The following TMEM100 variants were observed in gnomAD, a reference collection of about 807,000 sequenced individuals.
The protein encoded by TMEM100 is transmembrane protein 100.
For synonymous variants in TMEM100, 61 were observed against 67.1 expected (o/e 0.91, Z 0.44); for missense variants, 137 against 168.2 (o/e 0.81, Z 1.02).
At position 55,721,128 on chromosome 17, in the gene TMEM100, G is replaced by A. The variant is rs1248183147; in HGVS notation, c.-58C>T. The A allele has an allele frequency of 4.6e-6, 7 of 1,525,844 alleles. No individual in the cohort carries two copies. The East Asian group carries it at 1.6e-4, about 34-fold the overall frequency. The allele number at this position is 1,525,844 out of a possible 1,614,324, so 94.5% of individuals were successfully genotyped here. On this transcript the variant is annotated 5_prime_UTR_variant, in exon 2 of 2. Transcript: ENST00000424486. ...GACTAGATCTGGACAGTCTCACCAG[G>A]GTGAAAGCTGTGAAGATAACAGGAG...
chr17:55,731,341 A>T (rs1482751720), intron 1 of TMEM100, among the ~76,000 whole-genome samples: 3 of 152,126 alleles, frequency 2.0e-5, no homozygotes, highest in African/African-American at 7.2e-5. Flanking sequence ...TAAAATGAAC[A>T]TTTCTGACTC....
chr17:55,729,226 T>C (rs1254983809), intron 1 of TMEM100, among the ~76,000 whole-genome samples: 1 of 152,176 alleles, frequency 6.6e-6, no homozygotes, highest in Non-Finnish European at 1.5e-5. Flanking sequence ...GCCTCTGTGA[T>C]TGTCCAGGTA....
chr17:55,725,701 A>ATGTGTGTGTG (rs57564459), upstream of TMEM100, among the ~76,000 whole-genome samples: 646 of 139,656 alleles, frequency 4.6e-3, 4 homozygotes, highest in East Asian at 0.011. Context: ...ACCCATATAT[A>ATGTGTGTGTG]TGTGTGTGTG....
chr17:55,727,272 GTA>G (rs1210506161), upstream of TMEM100, among the ~76,000 whole-genome samples: 2 of 152,200 alleles, frequency 1.3e-5, no homozygotes, highest in Non-Finnish European at 2.9e-5. Context: ...TTATGTTTAT[GTA>G]CGTTATTCTT....
intron 1 of TMEM100, chr17:55,721,611 C>G (rs1450489783): frequency 6.5e-6 from 1 of 153,518 alleles, no homozygotes; most frequent in East Asian, 1.9e-4. Context: ...CCCACAAAAT[C>G]AATGTCAAGG....
chr17:55,721,169 A>G, intron 1 of TMEM100, 34 bp from the exon 2 acceptor site: 5 of 1,393,884 alleles, frequency 3.6e-6, no homozygotes, highest in Non-Finnish European at 4.9e-6. Context: ...AGCTACATGT[A>G]TCAGAATGTA....
chr17:55,730,305 G>T (rs920908795), intron 1 of TMEM100, among the ~76,000 whole-genome samples: 4 of 152,040 alleles, frequency 2.6e-5, no homozygotes, highest in Admixed American at 6.6e-5. Flanking sequence ...TATTTAAATG[G>T]ATTATTTTAA....
At chr17:55,731,846 G>A (rs1375396061) in exon 1 of TMEM100, 2 of 152,170 alleles carry the variant, frequency 1.3e-5, no homozygotes, top group Admixed American at 1.3e-4. Flanking sequence ...GGAGCATGGG[G>A]TGTCCAATAC....
At chr17:55,726,002 C>A (rs1005895834), upstream of TMEM100, among the ~76,000 whole-genome samples, 15 of 152,068 alleles carry the variant, frequency 9.9e-5, 2 homozygotes, top group Admixed American at 7.2e-4. Flanking sequence ...ATCCTCTTTC[C>A]CAATAACATG....
rs1363698586 is a variant in TMEM100, at chr17:55,720,553, C to A, written c.*113G>T. 299 of 647,322 alleles carry A rather than the reference C, an allele frequency of 4.6e-4. No individual in the cohort carries two copies. The highest frequency in any genetic ancestry group is 9.5e-4 in the East Asian group (19 of 20,086). 40.1% of individuals were successfully genotyped at this position (647,322 alleles called of 1,614,324 possible). Reference sequence around the variant, plus strand: ...CCTCCACCCTCCCACCCCCATTCTTCCAGTCTGCTCCAACGCCAAGTCTGT... The same window carrying A: ...CCTCCACCCTCCCACCCCCATTCTTACAGTCTGCTCCAACGCCAAGTCTGT... On this transcript the variant is annotated 3_prime_UTR_variant, in exon 2 of 2. Transcript: ENST00000424486.
chr17:55,720,363 G>T lies in TMEM100; in HGVS notation c.*303C>A. The T allele has an allele frequency of 3.3e-6, 1 of 303,974 alleles. No individual in the cohort carries two copies. The highest frequency in any genetic ancestry group is 6.1e-6 in the Non-Finnish European group (1 of 164,640). The allele number at this position is 303,974 out of a possible 1,614,324, so 18.8% of individuals were successfully genotyped here. A position where few individuals can be genotyped will look rare whatever the true frequency, so the allele number is the denominator to read the frequency against. On this transcript the variant is annotated 3_prime_UTR_variant, in exon 2 of 2. Transcript: ENST00000424486. ...ATCTTGATTTTTCTCATCTTTTCTT[G>T]GCTACTTTACAGGGTGAACCAAATA...
chr17:55,724,827 C>T (rs3760280), upstream of TMEM100, among the ~76,000 whole-genome samples: 12 of 152,106 alleles, frequency 7.9e-5, no homozygotes, highest in Non-Finnish European at 1.8e-4. Context: ...TATAATGAGG[C>T]GCAGTGAGTG....
upstream of TMEM100, among the ~76,000 whole-genome samples, chr17:55,725,997 C>G (rs1909061346): frequency 6.6e-6 from 1 of 152,068 alleles, no homozygotes; most frequent in South Asian, 2.1e-4. Flanking sequence ...AAACCATCCT[C>G]TTTCCCAATA....
At chr17:55,727,291 C>T (rs1190799164), upstream of TMEM100, among the ~76,000 whole-genome samples, 1 of 152,182 alleles carries the variant, frequency 6.6e-6, no homozygotes, top group African/African-American at 2.4e-5. Context: ...TCTTTGGAGG[C>T]CAAAGATGAG....
chr17:55,725,850 T>C (rs1267563391), upstream of TMEM100, among the ~76,000 whole-genome samples: 3 of 151,912 alleles, frequency 2.0e-5, no homozygotes, highest in Non-Finnish European at 4.4e-5. Flanking sequence ...ATTTGCAAGG[T>C]TTTTCCTATC....
At position 55,720,378 on chromosome 17, in the gene TMEM100, T is replaced by G; in HGVS notation, c.*288A>C. 1 of 356,020 alleles carries G rather than the reference T, an allele frequency of 2.8e-6. No homozygotes were observed. The highest frequency in any genetic ancestry group is 5.1e-6 in the Non-Finnish European group (1 of 197,722). The allele number at this position is 356,020 out of a possible 1,614,324, so 22.1% of individuals were successfully genotyped here. A position where few individuals can be genotyped will look rare whatever the true frequency, so the allele number is the denominator to read the frequency against. On this transcript the variant is annotated 3_prime_UTR_variant, in exon 2 of 2. Coordinates refer to ENST00000424486, the MANE Select transcript of TMEM100 (RefSeq NM_018286.3). ...ATCTTTTCTTGGCTACTTTACAGGG[T>G]GAACCAAATACTGTCTAATGCTGTG...
upstream of TMEM100, among the ~76,000 whole-genome samples, chr17:55,726,446 TC>T (rs1909077817): frequency 1.3e-5 from 2 of 152,168 alleles, no homozygotes; most frequent in Admixed American, 1.3e-4. Flanking sequence ...GTTTTGATTT[TC>T]CTATTGAGTT....
intron 1 of TMEM100, among the ~76,000 whole-genome samples, chr17:55,728,818 G>A (rs1209756984): frequency 6.6e-6 from 1 of 152,154 alleles, no homozygotes; most frequent in African/African-American, 2.4e-5. Flanking sequence ...GGGGTAGGGG[G>A]TGGTGGAGGT....
intron 1 of TMEM100, among the ~76,000 whole-genome samples, 161 bp from the exon 2 acceptor site, chr17:55,721,296 G>A (rs888453992): frequency 6.6e-6 from 1 of 152,136 alleles, no homozygotes; most frequent in African/African-American, 2.4e-5. Flanking sequence ...TTGCATTTAG[G>A]CAAAAAATAA....
Sources: gnomAD v4.1 joint callset for allele counts (sites outside exome capture counted in the v4.1 genomes callset) on GRCh38, gnomAD v4.1.1 for gene constraint, MANE v1.5 for transcripts, NCBI Gene and HGNC (gene_info 2026-07-23, HGNC 2026-07-21) for gene names.